Variants in CACNA1C observed in about 807,000 individuals in gnomAD.
The protein encoded by CACNA1C is voltage-dependent L-type calcium channel subunit alpha-1C.
A neutral mutation model predicts 229.0 loss-of-function variants in CACNA1C; 30 were observed. The observed-to-expected ratio is 0.13, with a 90% confidence interval of 0.10 to 0.18. The LOEUF (loss-of-function observed/expected upper bound fraction) is 0.18, where lower values mean the gene tolerates loss of function less well. Ranked by LOEUF, CACNA1C falls within the 10% of genes least tolerant of loss-of-function variation. The pLI, the probability that CACNA1C is intolerant of heterozygous loss-of-function variation, is 1.00. For synonymous variants in CACNA1C, 1,114 were observed against 1,132.5 expected, an observed-to-expected ratio of 0.98 and a Z score of 0.33; for missense variants, 1,658 against 2,845.0, an observed-to-expected ratio of 0.58 and a Z score of 9.49.
rs566215488 is a variant in CACNA1C at position 2,110,746 on chromosome 12, A to G, written c.50-4478A>G. 5.9e-5 allele frequency among the ~76,000 whole-genome samples: 9 copies of G among 152,270 alleles called. No homozygotes were observed. The East Asian group carries it at 1.7e-3, about 29-fold the overall frequency. ...TTCAAGTGCTCAGGAGCCACATATG[A>G]CTGGTAGCCAGGGTATTGGACAGCC... On this transcript the variant is annotated intron_variant, in intron 1 of 46. Transcript: ENST00000399655.
At chr12:2,663,311 TAAAAA>T (rs1317209606) in intron 34 of CACNA1C, among the ~76,000 whole-genome samples, 1 of 152,046 alleles carries the variant, frequency 6.6e-6, no homozygotes, top group Non-Finnish European at 1.5e-5. Flanking sequence ...ATTTAAAAAA[TAAAAA>T]ATAATAGATG....
intron 1 of CACNA1C, among the ~76,000 whole-genome samples, chr12:2,084,810 G>A (rs1336828420): frequency 6.6e-6 from 1 of 152,152 alleles, no homozygotes; most frequent in African/African-American, 2.4e-5. Context: ...ATAAATTGCT[G>A]ATAAGGCAAG....
intron 3 of CACNA1C, among the ~76,000 whole-genome samples, chr12:2,370,604 G>A (rs1250225157): frequency 5.3e-5 from 8 of 152,202 alleles, no homozygotes; most frequent in African/African-American, 1.9e-4. Flanking sequence ...AGTTTAAAAG[G>A]AAAATAAATA....
chr12:2,652,419 C>T (rs901872128), intron 32 of CACNA1C, among the ~76,000 whole-genome samples: 7 of 152,136 alleles, frequency 4.6e-5, no homozygotes, highest in Non-Finnish European at 1.0e-4. Flanking sequence ...TAAGGAGAAG[C>T]AAAGCGCTTG....
chr12:2,272,956 A>G (rs2085787966), intron 3 of CACNA1C, among the ~76,000 whole-genome samples: 1 of 152,238 alleles, frequency 6.6e-6, no homozygotes, highest in Non-Finnish European at 1.5e-5. Context: ...TTACAGTTTA[A>G]TTTTGTCCGC....
chr12:2,470,729 A>T (rs1046615400), intron 5 of CACNA1C, among the ~76,000 whole-genome samples: 1 of 152,266 alleles, frequency 6.6e-6, no homozygotes, highest in African/African-American at 2.4e-5. Flanking sequence ...TGTGAAACAC[A>T]CAGGAAGCAC....
chr12:2,634,263 TTCTC>T, intron 29 of CACNA1C, 30 bp from the exon 30 acceptor site: 1 of 1,131,542 alleles, frequency 8.8e-7, no homozygotes, highest in Non-Finnish European at 1.3e-6. Context: ...TTGGTTCTTC[TTCTC>T]TCTCTCCCCG....
intron 1 of CACNA1C, among the ~76,000 whole-genome samples, chr12:2,109,707 C>G (rs1214822427): frequency 2.6e-5 from 4 of 152,120 alleles, no homozygotes; most frequent in Non-Finnish European, 5.9e-5. Flanking sequence ...TTGGGGATGG[C>G]CAAGAGTGGA....
intron 4 of CACNA1C, among the ~76,000 whole-genome samples, chr12:2,456,376 G>A (rs1296910540): frequency 2.0e-5 from 3 of 152,214 alleles, no homozygotes; most frequent in African/African-American, 7.2e-5. Context: ...ACAGCAGAAT[G>A]ATTCTTTTAG....
intron 3 of CACNA1C, among the ~76,000 whole-genome samples, chr12:2,144,702 G>A (rs1274163518): frequency 2.6e-5 from 4 of 151,332 alleles, no homozygotes; most frequent in East Asian, 1.9e-4. Flanking sequence ...TCATGGAAGC[G>A]GGGGCTGTCT....
At chr12:2,385,788 A>G (rs112285805) in intron 3 of CACNA1C, among the ~76,000 whole-genome samples, 66 of 152,308 alleles carry the variant, frequency 4.3e-4, no homozygotes, top group African/African-American at 1.5e-3. Context: ...CTGGGTGTAT[A>G]TTAGAATCAC....
intron 1 of CACNA1C, among the ~76,000 whole-genome samples, chr12:2,023,346 G>A (rs763767187): frequency 5.9e-5 from 9 of 152,104 alleles, no homozygotes; most frequent in Non-Finnish European, 1.2e-4. Context: ...AATGCCATGC[G>A]TGGAGAAGGG....
rs1314656020 is a variant in CACNA1C at position 2,053,288 on chromosome 12, C to T, written c.-275C>T. ...TGGTGTAGCCGCCGGAGGTGCGGTG[C>T]TCAGTTCTTGGAAGGGGCCCGGATG... On this transcript the variant is annotated 5_prime_UTR_variant, in exon 1 of 47. Transcript: ENST00000399655. This position sits in a 1 kb window ranked among gnomAD's most constrained non-coding sequence, Gnocchi z 5.8. 8.7e-7 allele frequency: 1 copy of T among 1,154,494 alleles called. No homozygotes were observed. The highest frequency in any genetic ancestry group is 1.6e-5 in the African/African-American group (1 of 62,160). The allele number at this position is 1,154,494 out of a possible 1,614,324, so 71.5% of individuals were successfully genotyped here. A position where few individuals can be genotyped will look rare whatever the true frequency, so the allele number is the denominator to read the frequency against.
chr12:2,659,023 GTTAAT>G (rs889486050), intron 34 of CACNA1C, among the ~76,000 whole-genome samples: 2 of 152,110 alleles, frequency 1.3e-5, no homozygotes, highest in African/African-American at 2.4e-5. Flanking sequence ...TTAAGCTGAA[GTTAAT>G]TTATTACTGA....
chr12:2,566,322 G>A lies in CACNA1C; in HGVS notation c.1509-100G>A. The A allele has an allele frequency of 2.6e-6, 3 of 1,152,556 alleles. No homozygotes were observed. The highest frequency in any genetic ancestry group is 3.7e-6 in the Non-Finnish European group (3 of 817,018). 71.4% of individuals were successfully genotyped at this position (1,152,556 alleles called of 1,614,324 possible). On this transcript the variant is annotated intron_variant, in intron 11 of 46. Transcript: ENST00000399655. This position sits in a 1 kb window ranked among gnomAD's most constrained non-coding sequence, Gnocchi z 4.0. ...AGATTGGGCTGCTCTAGCAAGGCCA[G>A]ATCAGTGAGGGGCGAGAAGAGCCAT...
At chr12:2,198,163 C>A (rs1230270340) in intron 3 of CACNA1C, among the ~76,000 whole-genome samples, 1 of 152,194 alleles carries the variant, frequency 6.6e-6, no homozygotes, top group Admixed American at 6.5e-5. Context: ...ACAGTGCGGC[C>A]CACAGCAAAG....
intron 3 of CACNA1C, among the ~76,000 whole-genome samples, chr12:2,129,750 C>T (rs973606276): frequency 3.3e-5 from 5 of 152,164 alleles, no homozygotes; most frequent in African/African-American, 1.2e-4. Context: ...CACAGGGTCC[C>T]GGAACGTCCT....
At chr12:2,193,040 G>A (rs980803534) in intron 3 of CACNA1C, among the ~76,000 whole-genome samples, 15 of 152,242 alleles carry the variant, frequency 9.9e-5, no homozygotes, top group African/African-American at 3.1e-4. Context: ...CATTTGCAGG[G>A]TACACCCAGG....
At chr12:2,399,624 C>G (rs140864535) in intron 3 of CACNA1C, among the ~76,000 whole-genome samples, 1 of 152,214 alleles carries the variant, frequency 6.6e-6, no homozygotes, top group South Asian at 2.1e-4. Context: ...TTCTCTGCCA[C>G]GCTGCTCTGC....
Sources: gnomAD v4.1 joint callset for allele counts (sites outside exome capture counted in the v4.1 genomes callset) on GRCh38, gnomAD v4.1.1 for gene constraint, Gnocchi (gnomAD v3.1) non-coding constraint, MANE v1.5 for transcripts, NCBI Gene and HGNC (gene_info 2026-07-23, HGNC 2026-07-21) for gene names.